ESRRG: variants seen among roughly 807,000 people sequenced by gnomAD.
The protein encoded by ESRRG is estrogen related receptor gamma.
Under a neutral mutation model 44.0 loss-of-function variants are expected in ESRRG, and 13 were observed. The ratio of observed to expected loss-of-function variants is 0.30; its 90% CI spans 0.19 to 0.47. The LOEUF (loss-of-function observed/expected upper bound fraction) is 0.47. ESRRG is among the 20% of genes least tolerant of loss of function. The probability of loss-of-function intolerance (pLI) is 1.00; values close to 1 mark genes in which losing one functional copy is unlikely to be tolerated. For missense variants in ESRRG, 395 were observed against 580.6 expected (o/e 0.68, Z 3.29); for synonymous variants, 215 against 214.6 (o/e 1.00, Z -0.02).
chr1:217,121,375 A>G (rs1348686071), intron 1 of ESRRG, among the ~76,000 whole-genome samples: 3 of 152,130 alleles, frequency 2.0e-5, no homozygotes, highest in Non-Finnish European at 4.4e-5. Context: ...GAAGGGTTGT[A>G]AAAAGGGAGT....
chr1:216,919,494 C>G (rs924000012), intron 2 of ESRRG, among the ~76,000 whole-genome samples: 2 of 152,160 alleles, frequency 1.3e-5, no homozygotes, highest in Non-Finnish European at 2.9e-5. Flanking sequence ...TGAACACCAA[C>G]CAGTATAAAT....
intron 1 of ESRRG, among the ~76,000 whole-genome samples, chr1:216,699,605 G>C (rs748811971): frequency 4.6e-5 from 7 of 152,026 alleles, no homozygotes; most frequent in Non-Finnish European, 1.0e-4. Flanking sequence ...TGAGAGAATG[G>C]GTGTGAATAA....
chr1:216,558,875 T>C (rs900249573), intron 5 of ESRRG, among the ~76,000 whole-genome samples: 10 of 152,024 alleles, frequency 6.6e-5, no homozygotes, highest in African/African-American at 2.4e-4. Context: ...TTTTTGTTTT[T>C]TTGTTTTTTT....
chr1:216,913,053 T>G (rs1250791369), intron 2 of ESRRG, among the ~76,000 whole-genome samples: 3 of 138,508 alleles, frequency 2.2e-5, no homozygotes, highest in African/African-American at 8.2e-5. Context: ...AACCCCAGGG[T>G]GTGGAGGTTG....
chr1:216,898,342 G>C (rs931265089), intron 2 of ESRRG, among the ~76,000 whole-genome samples: 1 of 152,168 alleles, frequency 6.6e-6, no homozygotes, highest in African/African-American at 2.4e-5. Context: ...ACATGGCCAG[G>C]CACGGTGGCT....
At chr1:217,119,218 T>G (rs1471246757) in intron 1 of ESRRG, among the ~76,000 whole-genome samples, 1 of 152,220 alleles carries the variant, frequency 6.6e-6, no homozygotes, top group Non-Finnish European at 1.5e-5. Flanking sequence ...AAGTCAATTT[T>G]AAGGTGTCCA....
chr1:216,714,643 A>C, intron 1 of ESRRG: 1 of 660,852 alleles, frequency 1.5e-6, no homozygotes, highest in Non-Finnish European at 1.9e-6. Flanking sequence ...CACTATAAGA[A>C]AATAAAGAAA....
chr1:216,952,373 G>A (rs1427216576), intron 1 of ESRRG, among the ~76,000 whole-genome samples: 1 of 152,114 alleles, frequency 6.6e-6, no homozygotes, highest in Non-Finnish European at 1.5e-5. Context: ...GTGGAAACGG[G>A]AAGCCACAGC....
chr1:216,844,569 T>C (rs1007244880), intron 2 of ESRRG, among the ~76,000 whole-genome samples: 1 of 151,876 alleles, frequency 6.6e-6, no homozygotes, highest in Non-Finnish European at 1.5e-5. Context: ...TGCACCACGC[T>C]CCTCCTCCAT....
At chr1:216,650,593 C>G (rs2068702292) in intron 3 of ESRRG, among the ~76,000 whole-genome samples, 3 of 151,518 alleles carry the variant, frequency 2.0e-5, no homozygotes, top group Admixed American at 1.3e-4. Context: ...TGCTTTAAAC[C>G]CAAGATTAAT....
intron 6 of ESRRG, among the ~76,000 whole-genome samples, chr1:216,514,589 G>C (rs1025102693): frequency 5.3e-5 from 8 of 152,112 alleles, no homozygotes; most frequent in African/African-American, 1.9e-4. Flanking sequence ...TAGGCTCCCA[G>C]ATGTGAAATT....
At chr1:216,556,560 C>T (rs970780723) in intron 5 of ESRRG, among the ~76,000 whole-genome samples, 1 of 152,160 alleles carries the variant, frequency 6.6e-6, no homozygotes, top group African/African-American at 2.4e-5. Flanking sequence ...AGGTCATCTT[C>T]AGCTAAAACT....
chr1:217,046,720 C>T (rs890733931), intron 1 of ESRRG, among the ~76,000 whole-genome samples: 1 of 151,970 alleles, frequency 6.6e-6, no homozygotes, highest in African/African-American at 2.4e-5. Context: ...CCCATCTCTA[C>T]AAATGATCAA....
At chr1:216,549,878 CA>C (rs1402928968) in intron 5 of ESRRG, among the ~76,000 whole-genome samples, 1 of 152,058 alleles carries the variant, frequency 6.6e-6, no homozygotes, top group Non-Finnish European at 1.5e-5. Flanking sequence ...CTTGTAAGTT[CA>C]TTTTTTTTAA....
chr1:217,086,376 T>G (rs1263017954), intron 1 of ESRRG, among the ~76,000 whole-genome samples: 1 of 152,224 alleles, frequency 6.6e-6, no homozygotes, highest in African/African-American at 2.4e-5. Flanking sequence ...AACATGCTTT[T>G]TCCTCTGTGC....
intron 2 of ESRRG, among the ~76,000 whole-genome samples, chr1:216,742,511 T>C (rs2090878934): frequency 6.6e-6 from 1 of 152,144 alleles, no homozygotes; most frequent in East Asian, 1.9e-4. Context: ...GAGTGCTTTG[T>C]ATGCAACAAC....
chr1:216,726,817 C>T (rs903364104), upstream of ESRRG, among the ~76,000 whole-genome samples: 2 of 152,100 alleles, frequency 1.3e-5, no homozygotes, highest in Admixed American at 1.3e-4. Context: ...AACTAATGCA[C>T]AGTCACCAAG....
intron 1 of ESRRG, among the ~76,000 whole-genome samples, chr1:217,063,102 C>T (rs1201106017): frequency 3.3e-5 from 5 of 152,112 alleles, no homozygotes; most frequent in Non-Finnish European, 7.4e-5. Flanking sequence ...TCCTCCTCCT[C>T]CCTATTTAAT....
In ESRRG at chr1:216,926,381, T is replaced by C. The variant is rs1048487032; in HGVS notation, c.-14+13201A>G. On this transcript the variant is annotated intron_variant, in intron 2 of 7. Coordinates refer to the ESRRG transcript ENST00000359162. ...GGAACAGGTACTTCAGCTCAACCAC[T>C]TTCCATCCCAGGAAAACTGATAACA... Among the ~76,000 whole-genome samples, 6 of 150,538 alleles carry C rather than the reference T, an allele frequency of 4.0e-5. 1 individual carries two copies. The highest frequency in any genetic ancestry group is 2.7e-4 in the Admixed American group (4 of 15,020).
Sources: allele counts gnomAD v4.1 joint callset (sites outside exome capture counted in the v4.1 genomes callset), GRCh38; gene constraint gnomAD v4.1.1; transcripts MANE v1.5; gene names NCBI Gene and HGNC (gene_info 2026-07-23, HGNC 2026-07-21).